Variants in POTEG observed in about 807,000 individuals in gnomAD.
POTEG encodes POTE ankyrin domain family member G.
A neutral mutation model predicts 49.6 loss-of-function variants in POTEG; 2 were observed. The ratio of observed to expected loss-of-function variants is 0.04; its 90% confidence interval spans 0.02 to 0.13. POTEG has a LOEUF of 0.13. Among genes scored for constraint, POTEG ranks in the 10% least tolerant of loss-of-function variants. The pLI, the probability that POTEG is intolerant of heterozygous loss-of-function variation, is 1.00. For missense variants in POTEG, 26 were observed against 545.2 expected, an observed-to-expected ratio of 0.05 and a Z score of 9.48; for synonymous variants, 7 against 186.6, an observed-to-expected ratio of 0.04 and a Z score of 7.84.
chr14:19,426,558 A>G (rs544113431), intron 3 of POTEG, among the ~76,000 whole-genome samples: 170 of 151,906 alleles, frequency 1.1e-3, no homozygotes, highest in African/African-American at 3.9e-3. Context: ...TCCTCTACTT[A>G]TTGAAAGACT....
In POTEG at chr14:19,425,529, A is replaced by T. The variant is rs1883913925; in HGVS notation, c.917+77T>A. 3.5e-6 allele frequency: 2 copies of T among 579,194 alleles called. 1 individual carries two copies. Among genetic ancestry groups the T allele is most frequent in the South Asian group, 5.7e-5 (2 of 35,248 alleles). 35.9% of individuals were successfully genotyped at this position (579,194 alleles called of 1,614,324 possible). A position where few individuals can be genotyped will look rare whatever the true frequency, so the allele number is the denominator to read the frequency against. On this transcript the variant is annotated intron_variant, in intron 4 of 10. Transcript: ENST00000547848. The stretch of plus-strand genomic sequence containing the variant: ...GATCACTATATCCCAATAAGTATAC[A>T]TTAATCTTATTTAATATTTATGACT...
intron 7 of POTEG, among the ~76,000 whole-genome samples, chr14:19,415,331 T>C (rs1034084592): frequency 2.1e-5 from 3 of 143,686 alleles, no homozygotes; most frequent in African/African-American, 7.5e-5. Context: ...GGTCCCATTC[T>C]GCAAGATATG....
intron 7 of POTEG, among the ~76,000 whole-genome samples, chr14:19,415,847 T>C (rs1594273847): frequency 7.1e-6 from 1 of 140,416 alleles, no homozygotes. Flanking sequence ...TTTTTTTTTT[T>C]TTTTTTTTTT....
At chr14:19,416,261 A>T (rs1276980972) in intron 7 of POTEG, 27 bp downstream of exon 7, 1 of 1,579,268 alleles carries the variant, frequency 6.3e-7, no homozygotes, top group Non-Finnish European at 8.5e-7. Context: ...CGTTAAACCA[A>T]AAGTTTAAAT....
Position 19,425,473 on chromosome 14 carries a change from T to C in POTEG, c.917+133A>G, listed in dbSNP as rs1883912267. The C allele has an allele frequency of 1.0e-5, 2 of 197,838 alleles. 1 individual carries two copies. Among genetic ancestry groups the C allele is most frequent in the Non-Finnish European group, 2.0e-5 (2 of 98,656 alleles). The allele number at this position is 197,838 out of a possible 1,614,324, so 12.3% of individuals were successfully genotyped here. A position where few individuals can be genotyped will look rare whatever the true frequency, so the allele number is the denominator to read the frequency against. ...TTATGTTGCCCAGTCCAAATAATTG[T>C]TTTTCTACCGAACTGATTTGTGTTC... On this transcript the variant is annotated intron_variant, in intron 4 of 10. Coordinates refer to ENST00000547848, the MANE Select transcript of POTEG (RefSeq NM_001005356.3).
chr14:19,421,495 TTGAA>T (rs1283414456), intron 6 of POTEG, 125 bp downstream of exon 6: 5 of 1,140,222 alleles, frequency 4.4e-6, no homozygotes, highest in Middle Eastern at 3.0e-4. Flanking sequence ...TGTAACATGA[TTGAA>T]TAATTCTGAA....
chr14:19,414,290 G>A (rs1164034923), intron 8 of POTEG, among the ~76,000 whole-genome samples: 2 of 144,376 alleles, frequency 1.4e-5, no homozygotes, highest in African/African-American at 5.0e-5. Flanking sequence ...AACCAAGAAA[G>A]ATAAAATTAT....
intron 7 of POTEG, among the ~76,000 whole-genome samples, chr14:19,415,590 A>T (rs1444166002): frequency 1.3e-5 from 2 of 149,580 alleles, no homozygotes; most frequent in Non-Finnish European, 3.0e-5. Context: ...TCATCATGTT[A>T]GGGTGTTGTA....
In POTEG at chr14:19,432,388, A is replaced by ATG. The variant is rs1884175438; in HGVS notation, c.521+1380_521+1381insCA. ...TTTGTATATATATATATATATATAT[A>ATG]TATATATATATATATACACACACAT... On this transcript the variant is annotated intron_variant, in intron 1 of 10. Transcript: ENST00000547848. 9.1e-4 allele frequency among the ~76,000 whole-genome samples: 65 copies of ATG among 71,152 alleles called. 6 individuals carry two copies. The highest frequency in any genetic ancestry group is 1.2e-3 in the Non-Finnish European group (40 of 32,622). 46.7% of individuals were successfully genotyped at this position (71,152 alleles called of 152,430 possible). A position where few individuals can be genotyped will look rare whatever the true frequency, so the allele number is the denominator to read the frequency against.
At chr14:19,415,839 T>G (rs1381300439) in intron 7 of POTEG, among the ~76,000 whole-genome samples, 1 of 124,020 alleles carries the variant, frequency 8.1e-6, no homozygotes, top group East Asian at 2.8e-4. Flanking sequence ...ATTTTTTTTT[T>G]TTTTTTTTTT....
chr14:19,421,748 ATACT>A (rs1883784256), intron 5 of POTEG, 54 bp from the exon 6 acceptor site: 4 of 1,516,510 alleles, frequency 2.6e-6, no homozygotes, highest in South Asian at 1.1e-5. Flanking sequence ...GATATAAAAA[ATACT>A]TACCAAATGT....
intron 1 of POTEG, among the ~76,000 whole-genome samples, chr14:19,433,282 T>C: frequency 1.7e-5 from 2 of 118,816 alleles, no homozygotes; most frequent in Non-Finnish European, 3.6e-5. Context: ...AAGAACCATC[T>C]TCCCATTTCA....
intron 4 of POTEG, chr14:19,424,623 C>T (rs1192104611): frequency 1.1e-5 from 1 of 89,364 alleles, no homozygotes; most frequent in African/African-American, 6.0e-5. Context: ...TTCATCACAG[C>T]TTCCCTAGAC....
At chr14:19,415,872 G>A (rs1883542571) in intron 7 of POTEG, among the ~76,000 whole-genome samples, 2 of 104,364 alleles carry the variant, frequency 1.9e-5, no homozygotes, top group African/African-American at 7.5e-5. Context: ...TTGACACAGA[G>A]TCTTGCTCTG....
At chr14:19,415,828 AATTTTTT>A (rs1346575478) in intron 7 of POTEG, among the ~76,000 whole-genome samples, 31 of 132,958 alleles carry the variant, frequency 2.3e-4, no homozygotes, top group South Asian at 1.7e-3. Context: ...AATCTATTAA[AATTTTTT>A]TTTTTTTTTT....
Position 19,434,027 on chromosome 14 carries a change from T to C in POTEG, c.263A>G (p.Asp88Gly). 6.9e-7 allele frequency: 1 copy of C among 1,442,054 alleles called. No homozygotes were observed. Among genetic ancestry groups the C allele is most frequent in the East Asian group, 2.7e-5 (1 of 36,508 alleles). 89.3% of individuals were successfully genotyped at this position (1,442,054 alleles called of 1,614,324 possible). Reference protein sequence around the residue: ...SNVGTSGDHDDSAMKTLRSKM... With the variant: ...SNVGTSGDHDGSAMKTLRSKM... ...GCTCCTGAGTGTCTTCATAGCAGAG[T>C]CGTCGTGGTCTCCAGAAGTGCCCAC... Residue 88 changes from aspartate to glycine, a missense_variant, in exon 1 of 11, where the codon GAC becomes GGC. Coordinates refer to ENST00000547848, the MANE Select transcript of POTEG (RefSeq NM_001005356.3).
In POTEG at chr14:19,419,012, A is replaced by C. The variant is rs1423770095; in HGVS notation, c.1126+2612T>G. 5.1e-5 allele frequency among the ~76,000 whole-genome samples: 6 copies of C among 116,866 alleles called. 2 individuals carry two copies. The highest frequency in any genetic ancestry group is 2.3e-4 in the African/African-American group (6 of 26,438). The allele number at this position is 116,866 out of a possible 152,430, so 76.7% of individuals were successfully genotyped here. On this transcript the variant is annotated intron_variant, in intron 6 of 10. Transcript: ENST00000547848. ...AAAAAAGCATAACACCAAAAAAAAA[A>C]AAAACAAAAACAAAGGCCAACATAT...
At chr14:19,415,887 C>A (rs1336093410) in intron 7 of POTEG, among the ~76,000 whole-genome samples, 1 of 124,336 alleles carries the variant, frequency 8.0e-6, no homozygotes, top group African/African-American at 3.0e-5. Flanking sequence ...GCTCTGTCAC[C>A]CAGGCTGGAG....
At chr14:19,415,610 G>C (rs1205627122) in intron 7 of POTEG, among the ~76,000 whole-genome samples, 532 of 148,342 alleles carry the variant, frequency 3.6e-3, no homozygotes, top group African/African-American at 0.013. Flanking sequence ...AAAAATAAAA[G>C]AACAAAGTTC....
Sources: allele counts gnomAD v4.1 joint callset (sites outside exome capture counted in the v4.1 genomes callset), GRCh38; gene constraint gnomAD v4.1.1; transcripts MANE v1.5; gene names NCBI Gene and HGNC (gene_info 2026-07-23, HGNC 2026-07-21).